Variants in TCF7L2 observed in about 807,000 individuals in gnomAD.
The protein encoded by TCF7L2 is transcription factor 7-like 2.
TCF7L2 carries 23 observed loss-of-function variants against 77.9 expected under a neutral mutation model. The observed-to-expected ratio is 0.30, with a 90% CI of 0.21 to 0.42. The LOEUF (loss-of-function observed/expected upper bound fraction) is 0.42. Among genes scored for constraint, TCF7L2 ranks in the 10% least tolerant of loss-of-function variants. The pLI is 1.00. For missense variants in TCF7L2, 654 were observed against 793.1 expected (o/e 0.82, Z 2.11); for synonymous variants, 413 against 340.2 (o/e 1.21, Z -2.36).
chr10:112,992,380 C>T (rs912046370), intron 4 of TCF7L2, among the ~76,000 whole-genome samples: 1 of 152,184 alleles, frequency 6.6e-6, no homozygotes, highest in African/African-American at 2.4e-5. Flanking sequence ...CTCCGGGAGA[C>T]ACCCAGACCC....
chr10:113,068,851 C>T (rs768693798), intron 5 of TCF7L2, among the ~76,000 whole-genome samples: 37 of 152,118 alleles, frequency 2.4e-4, no homozygotes, highest in Non-Finnish European at 3.7e-4. Flanking sequence ...CAGACCCCTT[C>T]CAACTCTTGG....
chr10:113,113,392 T>A (rs1049309795), intron 5 of TCF7L2, among the ~76,000 whole-genome samples: 1 of 152,188 alleles, frequency 6.6e-6, no homozygotes, highest in African/African-American at 2.4e-5. Flanking sequence ...CCACCAGTGC[T>A]TGATTAACAA....
At chr10:113,073,428 G>A (rs2058307922) in intron 5 of TCF7L2, among the ~76,000 whole-genome samples, 1 of 146,458 alleles carries the variant, frequency 6.8e-6, no homozygotes, top group South Asian at 2.1e-4. Context: ...CACTTTGGGA[G>A]GCTGAGGCAG....
chr10:113,097,259 A>G (rs1346493828), intron 5 of TCF7L2, among the ~76,000 whole-genome samples: 2 of 152,120 alleles, frequency 1.3e-5, no homozygotes, highest in Non-Finnish European at 2.9e-5. Context: ...CTCCACTAGA[A>G]AGTAGGAGCA....
chr10:112,951,735 C>A (rs1300938130), intron 3 of TCF7L2, 128 bp downstream of exon 3: 45 of 350,892 alleles, frequency 1.3e-4, no homozygotes, highest in Non-Finnish European at 1.8e-4. Flanking sequence ...TCCCTCCCTC[C>A]CCTCCCCCGC....
chr10:113,159,146 CTTTT>C (rs142664442), intron 12 of TCF7L2, among the ~76,000 whole-genome samples: 3 of 148,760 alleles, frequency 2.0e-5, no homozygotes, highest in Non-Finnish European at 4.5e-5. Flanking sequence ...TTTTCCTTTG[CTTTT>C]TTTTATTTTA....
chr10:113,133,059 C>G (rs1367775388), intron 5 of TCF7L2: 1 of 152,026 alleles, frequency 6.6e-6, no homozygotes, highest in East Asian at 1.9e-4. Context: ...CTGGGGGAGG[C>G]ACAATGGGAT....
At chr10:113,077,904 T>G (rs1239172599) in intron 5 of TCF7L2, among the ~76,000 whole-genome samples, 13 of 127,242 alleles carry the variant, frequency 1.0e-4, no homozygotes, top group African/African-American at 3.6e-4. Context: ...TTTATTTATT[T>G]ATTGTATTTT....
At chr10:113,112,870 C>A (rs2063303594) in intron 5 of TCF7L2, among the ~76,000 whole-genome samples, 1 of 152,110 alleles carries the variant, frequency 6.6e-6, no homozygotes. Context: ...GTATTCAGAT[C>A]CTCCTCCTTT....
intron 12 of TCF7L2, among the ~76,000 whole-genome samples, chr10:113,158,411 G>A (rs2072413303): frequency 6.6e-6 from 1 of 152,166 alleles, no homozygotes; most frequent in African/African-American, 2.4e-5. Context: ...GGGATGAGGA[G>A]GGGGCGGGGC....
chr10:112,983,780 C>T (rs1445309362), intron 4 of TCF7L2, among the ~76,000 whole-genome samples: 1 of 152,210 alleles, frequency 6.6e-6, no homozygotes, highest in African/African-American at 2.4e-5. Flanking sequence ...GGAGAAGGCA[C>T]TGGTGTTTCA....
intron 5 of TCF7L2, among the ~76,000 whole-genome samples, chr10:113,112,805 T>A (rs2063295218): frequency 6.6e-6 from 1 of 152,196 alleles, no homozygotes; most frequent in Non-Finnish European, 1.5e-5. Context: ...CAAGCAATAT[T>A]GTGTTTTAAG....
At chr10:112,966,660 G>C (rs1002548998) in intron 4 of TCF7L2, among the ~76,000 whole-genome samples, 18 of 152,326 alleles carry the variant, frequency 1.2e-4, no homozygotes, top group Admixed American at 4.6e-4. Context: ...GTCACTGGGA[G>C]ACTAGCCCAG....
intron 4 of TCF7L2, among the ~76,000 whole-genome samples, chr10:112,999,985 C>A (rs1412097157): frequency 1.3e-5 from 2 of 152,140 alleles, no homozygotes; most frequent in Non-Finnish European, 2.9e-5. Flanking sequence ...AGGATGCTAG[C>A]CCTGAGAATT....
chr10:113,157,270 C>T (rs762431224), intron 11 of TCF7L2, among the ~76,000 whole-genome samples: 1 of 152,194 alleles, frequency 6.6e-6, no homozygotes, highest in Non-Finnish European at 1.5e-5. Context: ...AGGCATGCAC[C>T]ACCATGCCCG....
At chr10:113,034,370 G>A (rs145598801) in intron 4 of TCF7L2, among the ~76,000 whole-genome samples, 2,360 of 152,308 alleles carry the variant, frequency 0.015, 34 homozygotes, top group Non-Finnish European at 0.023. Flanking sequence ...TAGGGGGTCA[G>A]TATGAATGGC....
At chr10:112,989,434 C>T (rs1472547762) in intron 4 of TCF7L2, among the ~76,000 whole-genome samples, 2 of 151,284 alleles carry the variant, frequency 1.3e-5, no homozygotes, top group Admixed American at 1.3e-4. Flanking sequence ...GTCCTAGAAA[C>T]TGTCTTAATT....
chr10:113,040,014 C>T lies in TCF7L2; in HGVS notation c.451-11C>T, dbSNP rs2052159306. 6.2e-7 allele frequency: 1 copy of T among 1,610,466 alleles called. No homozygotes were observed. Among genetic ancestry groups the T allele is most frequent in the Admixed American group, 1.7e-5 (1 of 59,502 alleles). The stretch of plus-strand genomic sequence containing the variant: ...ATTGTTTTTCATTTCACTTTTGTTT[C>T]CTCTCGCCAGTATCTCCAGATGAAA... On this transcript the variant is annotated splice_polypyrimidine_tract_variant and intron_variant, in intron 4 of 13. Transcript: ENST00000627217.
chr10:112,961,888 C>CGT (rs1172783740), intron 3 of TCF7L2, among the ~76,000 whole-genome samples: 1 of 145,780 alleles, frequency 6.9e-6, no homozygotes, highest in African/African-American at 2.7e-5. Context: ...CTCGCGTGTG[C>CGT]GTGTATGTGT....
Sources: allele counts gnomAD v4.1 joint callset (sites outside exome capture counted in the v4.1 genomes callset), GRCh38; gene constraint gnomAD v4.1.1; transcripts MANE v1.5; gene names NCBI Gene and HGNC (gene_info 2026-07-23, HGNC 2026-07-21).